The following NEU3 variants were observed in gnomAD, a reference collection of about 807,000 sequenced individuals.
NEU3 encodes sialidase-3.
Under a neutral mutation model 11.4 loss-of-function variants are expected in NEU3, and 10 were observed. The observed-to-expected ratio is 0.88, with a 90% CI of 0.54 to 1.49. The LOEUF is 1.49. Ranked by LOEUF, NEU3 falls within the 40% of genes most tolerant of loss-of-function variation. The pLI is 0.00. For missense variants in NEU3, 529 were observed against 581.8 expected, an observed-to-expected ratio of 0.91 and a Z score of 0.93; for synonymous variants, 212 against 228.2, an observed-to-expected ratio of 0.93 and a Z score of 0.64.
chr11:74,983,731 A>T (rs577962105), upstream of NEU3, among the ~76,000 whole-genome samples: 1 of 152,214 alleles, frequency 6.6e-6, no homozygotes, highest in South Asian at 2.1e-4. Flanking sequence ...GCCTCAATTC[A>T]TTGGCCAGGG....
chr11:74,994,514 A>G lies in NEU3; in HGVS notation c.100A>G (p.Met34Val). Residue 34 changes from methionine (M) to valine (V), a missense_variant, in exon 2 of 3, where the codon ATG becomes GTG. Transcript: ENST00000294064. ...TEEPGSSAEVMEEVTTCSFNS... is the reference protein window; with the variant it reads ...TEEPGSSAEVVEEVTTCSFNS... Reference sequence around the variant, plus strand: ...GCTTCCTTCTATCCTTGCAGAGGTCATGGAAGAAGTGACAACATGCTCCTT... The same window carrying G: ...GCTTCCTTCTATCCTTGCAGAGGTCGTGGAAGAAGTGACAACATGCTCCTT... 2 of 1,607,396 alleles carry G rather than the reference A, an allele frequency of 1.2e-6. No individual in the cohort carries two copies. Among genetic ancestry groups the G allele is most frequent in the South Asian group, 2.2e-5 (2 of 90,090 alleles).
chr11:75,013,684 A>G (rs1948969304), downstream of NEU3, among the ~76,000 whole-genome samples: 1 of 152,216 alleles, frequency 6.6e-6, no homozygotes, highest in Non-Finnish European at 1.5e-5. Context: ...GGTATATTAC[A>G]GTATAGGAAG....
intron 1 of NEU3, among the ~76,000 whole-genome samples, chr11:74,993,604 A>T (rs1462842591): frequency 1.3e-5 from 2 of 152,106 alleles, no homozygotes; most frequent in East Asian, 1.9e-4. Flanking sequence ...ATACCTTCTG[A>T]TAGGGTGGAC....
intron 2 of NEU3, among the ~76,000 whole-genome samples, chr11:75,002,662 C>G (rs543756822): frequency 6.8e-4 from 103 of 152,326 alleles, no homozygotes; most frequent in Non-Finnish European, 1.3e-3. Flanking sequence ...ACAAAGCCAA[C>G]ACTTGTGGAC....
intron 2 of NEU3, 25 bp from the exon 3 acceptor site, chr11:75,005,388 T>TA: frequency 1.9e-6 from 3 of 1,551,120 alleles, no homozygotes; most frequent in Non-Finnish European, 2.6e-6. Context: ...ATCTCACTCC[T>TA]ACTTTCTCCC....
intron 3 of NEU3, among the ~76,000 whole-genome samples, chr11:75,016,309 T>C (rs933422132): frequency 1.3e-5 from 2 of 152,214 alleles, no homozygotes; most frequent in African/African-American, 2.4e-5. Context: ...CTGTGTTTCT[T>C]GATACCTCTC....
At chr11:75,017,966 G>A (rs1242032624) in intron 3 of NEU3, among the ~76,000 whole-genome samples, 1 of 152,124 alleles carries the variant, frequency 6.6e-6, no homozygotes, top group Non-Finnish European at 1.5e-5. Context: ...GGTTATGCTT[G>A]CAATGAAGAG....
At chr11:74,983,359 G>A (rs553127542), upstream of NEU3, among the ~76,000 whole-genome samples, 12 of 152,238 alleles carry the variant, frequency 7.9e-5, 1 homozygote, top group South Asian at 1.9e-3. Flanking sequence ...ACATACAACC[G>A]CAAGAGGAAA....
At chr11:74,997,994 T>C (rs778496692) in intron 2 of NEU3, among the ~76,000 whole-genome samples, 2 of 152,156 alleles carry the variant, frequency 1.3e-5, no homozygotes, top group African/African-American at 4.8e-5. Flanking sequence ...TGATTTAAAG[T>C]GAAAGATGGG....
At chr11:74,983,375 T>G (rs368414581), upstream of NEU3, among the ~76,000 whole-genome samples, 18 of 152,230 alleles carry the variant, frequency 1.2e-4, no homozygotes, top group African/African-American at 2.2e-4. Flanking sequence ...GGAAAAGAAA[T>G]AAAAGCACAG....
upstream of NEU3, among the ~76,000 whole-genome samples, chr11:74,987,592 T>A (rs1289110660): frequency 6.6e-6 from 1 of 152,014 alleles, no homozygotes; most frequent in Non-Finnish European, 1.5e-5. Context: ...GGCGGGCGGA[T>A]CACGAGGTCA....
Position 74,988,951 on chromosome 11 carries a change from T to C in NEU3, c.-110T>C, listed in dbSNP as rs1460856306. On this transcript the variant is annotated 5_prime_UTR_variant, in exon 1 of 3. Transcript: ENST00000294064. Reference sequence around the variant, plus strand: ...TTCCGGCAGTCGACACGCTCTTCGCTTCTCGGGGCTTGTCTCCGTGTCCTC... The same window carrying C: ...TTCCGGCAGTCGACACGCTCTTCGCCTCTCGGGGCTTGTCTCCGTGTCCTC... The C allele has an allele frequency of 4.8e-6, 4 of 833,356 alleles. No homozygotes were observed. The Admixed American group carries it at 8.0e-5, about 17-fold the overall frequency. 51.6% of individuals were successfully genotyped at this position (833,356 alleles called of 1,614,324 possible).
At chr11:74,983,992 T>TA (rs982374288), upstream of NEU3, among the ~76,000 whole-genome samples, 13 of 152,338 alleles carry the variant, frequency 8.5e-5, no homozygotes, top group African/African-American at 3.1e-4. Context: ...CTTATCCTGT[T>TA]ACATAGAGTT....
chr11:75,005,938 C>T lies in NEU3; in HGVS notation c.832C>T (p.Arg278Trp), dbSNP rs376361957. 70 of 1,613,462 alleles carry T rather than the reference C, an allele frequency of 4.3e-5. No homozygotes were observed. The highest frequency in any genetic ancestry group is 3.6e-4 in the East Asian group (16 of 44,874). The change falls in exon 3 of 3, where the codon CGG becomes TGG. Residue 278 changes from arginine to tryptophan, a missense_variant. Coordinates refer to ENST00000294064, the MANE Select transcript of NEU3 (RefSeq NM_006656.6). ...AGHPVLYCSARTPNRCRAEAL... is the reference protein window; with the variant it reads ...AGHPVLYCSAWTPNRCRAEAL... ...CCACCCTGTGCTATATTGCAGTGCC[C>T]GGACACCAAACAGGTGCCGGGCAGA... is the stretch of plus-strand genomic sequence containing the variant.
chr11:75,010,655 T>C lies in NEU3; in HGVS notation c.*4163T>C, dbSNP rs1948948854. Reference sequence around the variant, plus strand: ...ACAGTGGGGAAAATTTATGGCCTATTCCAGAAGAGTGAGCAGCCTAATCAA... The same window carrying C: ...ACAGTGGGGAAAATTTATGGCCTATCCCAGAAGAGTGAGCAGCCTAATCAA... On this transcript the variant is annotated 3_prime_UTR_variant, in exon 3 of 3. Transcript: ENST00000294064. 6.6e-6 allele frequency: 1 copy of C among 152,156 alleles called. No individual in the cohort carries two copies. The highest frequency in any genetic ancestry group is 1.5e-5 in the Non-Finnish European group (1 of 68,014). 9.4% of individuals were successfully genotyped at this position (152,156 alleles called of 1,614,324 possible).
At chr11:75,000,090 C>T (rs1403401687) in intron 2 of NEU3, among the ~76,000 whole-genome samples, 1 of 152,162 alleles carries the variant, frequency 6.6e-6, no homozygotes, top group Non-Finnish European at 1.5e-5. Flanking sequence ...GTGAGCTCTC[C>T]TATCTTGTAT....
intron 3 of NEU3, among the ~76,000 whole-genome samples, chr11:75,017,803 T>C (rs1004622254): frequency 6.6e-6 from 1 of 152,110 alleles, no homozygotes; most frequent in African/African-American, 2.4e-5. Context: ...GAAAAAGACC[T>C]CTGTACTGAA....
At chr11:75,011,784 A>C (rs1441754637), downstream of NEU3, among the ~76,000 whole-genome samples, 1 of 152,180 alleles carries the variant, frequency 6.6e-6, no homozygotes, top group African/African-American at 2.4e-5. Context: ...ATTGGTACCT[A>C]AACTTGTTAG....
chr11:74,989,937 C>T (rs933128340), intron 1 of NEU3: 1 of 701,774 alleles, frequency 1.4e-6, no homozygotes, highest in African/African-American at 1.7e-5. Flanking sequence ...AGGCCCATAT[C>T]TGATTATTTT....
Sources: gnomAD v4.1 joint callset for allele counts (sites outside exome capture counted in the v4.1 genomes callset) on GRCh38, gnomAD v4.1.1 for gene constraint, MANE v1.5 for transcripts, NCBI Gene and HGNC (gene_info 2026-07-23, HGNC 2026-07-21) for gene names.